Variants in BRMS1L observed in about 807,000 individuals in gnomAD.
BRMS1L encodes breast cancer metastasis-suppressor 1-like protein.
Under a neutral mutation model 50.3 loss-of-function variants are expected in BRMS1L, and 23 were observed. The observed-to-expected ratio is 0.46, with a 90% CI of 0.33 to 0.65. The LOEUF (loss-of-function observed/expected upper bound fraction) is 0.65, where lower values mean the gene tolerates loss of function less well. BRMS1L is among the 30% of genes least tolerant of loss of function. BRMS1L has a pLI of 0.02. For synonymous variants in BRMS1L, 114 were observed against 126.9 expected (o/e 0.90, Z 0.69); for missense variants, 286 against 386.1 (o/e 0.74, Z 2.17).
chr14:35,851,478 A>G (rs1219087295), intron 4 of BRMS1L, among the ~76,000 whole-genome samples: 1 of 152,172 alleles, frequency 6.6e-6, no homozygotes, highest in Non-Finnish European at 1.5e-5. Flanking sequence ...TATTTTTGTG[A>G]AAAGAAGTAC....
chr14:35,855,715 T>A (rs1413805683), intron 4 of BRMS1L, among the ~76,000 whole-genome samples: 1 of 152,176 alleles, frequency 6.6e-6, no homozygotes, highest in Non-Finnish European at 1.5e-5. Context: ...ATTATATAAT[T>A]AATCTGAAGA....
At chr14:35,841,030 C>G (rs1001228178) in intron 4 of BRMS1L, among the ~76,000 whole-genome samples, 1 of 152,150 alleles carries the variant, frequency 6.6e-6, no homozygotes, top group African/African-American at 2.4e-5. Flanking sequence ...AGCTGTGTCC[C>G]AGAGATTCTG....
Position 35,826,629 on chromosome 14 carries a change from C to T in BRMS1L, c.113C>T (p.Ser38Leu). Residue 38 changes from serine (S) to leucine (L), a missense_variant, in exon 1 of 10, where the codon TCG (serine) becomes TTG (leucine). Transcript: ENST00000216807. ...SSSEDEDTES[S>L]SVSEDGDSSE... ...TCCGAGGACGAGGACACTGAGAGCT[C>T]GTCGGTCTCCGAGGATGGAGATAGC... 2 of 1,612,444 alleles carry T rather than the reference C, an allele frequency of 1.2e-6. No individual in the cohort carries two copies. Among genetic ancestry groups the T allele is most frequent in the Non-Finnish European group, 1.7e-6 (2 of 1,179,546 alleles).
At chr14:35,849,762 C>G (rs1687567165) in intron 4 of BRMS1L, among the ~76,000 whole-genome samples, 1 of 151,734 alleles carries the variant, frequency 6.6e-6, no homozygotes, top group Admixed American at 6.6e-5. Flanking sequence ...GTCTTTTGCC[C>G]ATTTTAAAAT....
chr14:35,867,496 C>A (rs146471727), intron 8 of BRMS1L, among the ~76,000 whole-genome samples: 1 of 152,122 alleles, frequency 6.6e-6, no homozygotes, highest in Admixed American at 6.5e-5. Context: ...CTGGGGAATG[C>A]TTGGAACATG....
Position 35,834,501 on chromosome 14 carries a change from A to G in BRMS1L, c.362-343A>G, listed in dbSNP as rs891739957. ...GATGACACCAGAGTTTATTATCTCC[A>G]TTTCTATTTTGAGAAACTTGAGAGA... On this transcript the variant is annotated intron_variant, in intron 3 of 9. Coordinates refer to ENST00000216807, the MANE Select transcript of BRMS1L (RefSeq NM_032352.4). Among the ~76,000 whole-genome samples the G allele has an allele frequency of 3.9e-5, 6 of 152,118 alleles. No homozygotes were observed. The South Asian group carries it at 1.2e-3, about 31-fold the overall frequency.
chr14:35,828,623 G>A (rs1053733322), intron 1 of BRMS1L, among the ~76,000 whole-genome samples: 2 of 151,388 alleles, frequency 1.3e-5, no homozygotes, highest in Admixed American at 1.3e-4. Flanking sequence ...ACAGGCATGC[G>A]CCGCCACGCT....
In BRMS1L at chr14:35,857,942, G is replaced by A. The variant is rs535922571; in HGVS notation, c.442-4648G>A. On this transcript the variant is annotated intron_variant, in intron 4 of 9. Coordinates refer to ENST00000216807, the MANE Select transcript of BRMS1L (RefSeq NM_032352.4). ...TTAATTAAGCTAAACATGTACAGTTGTATTGATTTTTCATGAAGCCTGAGT... is the reference window on the plus strand; with the variant it reads ...TTAATTAAGCTAAACATGTACAGTTATATTGATTTTTCATGAAGCCTGAGT... Among the ~76,000 whole-genome samples, 3 of 136,468 alleles carry A rather than the reference G, an allele frequency of 2.2e-5. No homozygotes were observed. The East Asian group carries it at 6.4e-4, about 29-fold the overall frequency. The allele number at this position is 136,468 out of a possible 152,430, so 89.5% of individuals were successfully genotyped here.
intron 4 of BRMS1L, among the ~76,000 whole-genome samples, chr14:35,844,396 T>C (rs182352437): frequency 1.3e-5 from 2 of 152,280 alleles, no homozygotes; most frequent in Admixed American, 1.3e-4. Flanking sequence ...GAATGCACCA[T>C]TCCTCACGGC....
At chr14:35,863,297 G>T (rs899947503) in intron 5 of BRMS1L, among the ~76,000 whole-genome samples, 3 of 152,186 alleles carry the variant, frequency 2.0e-5, no homozygotes, top group Non-Finnish European at 4.4e-5. Flanking sequence ...GATCAGTCCA[G>T]TGTGAAATTG....
At chr14:35,855,398 T>C (rs2078267063) in intron 4 of BRMS1L, among the ~76,000 whole-genome samples, 1 of 152,216 alleles carries the variant, frequency 6.6e-6, no homozygotes, top group Non-Finnish European at 1.5e-5. Flanking sequence ...GCCACAACTT[T>C]ATTTTCTTAG....
At chr14:35,843,258 G>A (rs1235404347) in intron 4 of BRMS1L, among the ~76,000 whole-genome samples, 8 of 152,128 alleles carry the variant, frequency 5.3e-5, no homozygotes, top group Admixed American at 3.9e-4. Flanking sequence ...GAGAAGAGGC[G>A]TTCTGGTTTT....
rs1479821524 is a variant in BRMS1L, at chr14:35,831,428, G to C, written c.161G>C (p.Cys54Ser). ...TTAACAGAAATGGATGATGAAGACT[G>C]TGAAAGAAGAAGAATGGAATGTTTG... Reference protein sequence around the residue: ...GDSSEMDDEDCERRRMECLDE... With the variant: ...GDSSEMDDEDSERRRMECLDE... The change falls in exon 2 of 10, where the codon TGT (cysteine) becomes TCT (serine). Residue 54 changes from cysteine to serine, a missense_variant. Coordinates refer to ENST00000216807, the MANE Select transcript of BRMS1L (RefSeq NM_032352.4). The C allele has an allele frequency of 1.9e-6, 3 of 1,613,308 alleles. No homozygotes were observed. In the Admixed American group the frequency reaches 5.0e-5, roughly 27 times the overall value.
chr14:35,847,470 T>A lies in BRMS1L; in HGVS notation c.441+12547T>A, dbSNP rs529542159. 2.0e-5 allele frequency among the ~76,000 whole-genome samples: 3 copies of A among 152,240 alleles called. No individual in the cohort carries two copies. In the South Asian group the frequency reaches 6.2e-4, roughly 32 times the overall value. ...TGTGCCACTGTGCCCAGCTAATTTT[T>A]AAAAATATTTTGTAGAGATAGAGTC... On this transcript the variant is annotated intron_variant, in intron 4 of 9. Transcript: ENST00000216807.
At chr14:35,866,541 A>G (rs1328341623) in intron 8 of BRMS1L, among the ~76,000 whole-genome samples, 1 of 151,942 alleles carries the variant, frequency 6.6e-6, no homozygotes, top group Non-Finnish European at 1.5e-5. Context: ...CCATCTCTAC[A>G]AAAAAATACA....
In BRMS1L at chr14:35,870,362, C is replaced by A. The variant is rs1229854597; in HGVS notation, c.857C>A (p.Ala286Asp). The A allele has an allele frequency of 1.3e-6, 2 of 1,532,152 alleles. No individual in the cohort carries two copies. The highest frequency in any genetic ancestry group is 1.4e-5 in the African/African-American group (1 of 72,090). 94.9% of individuals were successfully genotyped at this position (1,532,152 alleles called of 1,614,324 possible). A position where few individuals can be genotyped will look rare whatever the true frequency, so the allele number is the denominator to read the frequency against. The change falls in exon 10 of 10, where the codon GCT (alanine) becomes GAT (aspartate). Residue 286 changes from alanine (A) to aspartate (D), a missense_variant and splice_region_variant. Ala to Asp is a moderately radical substitution (Grantham distance 126). Around this residue, in one of 5 missense-constraint regions of BRMS1L, gnomAD observed 49 missense variants for 39.1 expected, o/e 1.25. Transcript: ENST00000216807. The part of the protein sequence containing the change: ...IDKKDECPTS[A>D]VITTINHDEV... ...CATTCTTTTTTTTTTCTTTTTAGTG[C>A]TGTAATTACAACAATTAACCATGAT...
Position 35,833,058 on chromosome 14 carries a change from C to T in BRMS1L, c.314C>T (p.Pro105Leu). 1 of 1,613,202 alleles carries T rather than the reference C, an allele frequency of 6.2e-7. No individual in the cohort carries two copies. Among genetic ancestry groups the T allele is most frequent in the South Asian group, 1.1e-5 (1 of 91,004 alleles). ...IAGKAPEYLE[P>L]LATLQENMQI... Reference sequence around the variant, plus strand: ...GGAAAAGCACCAGAATACTTGGAACCGCTGGCAACTTTACAGGAAAATATG... The same window carrying T: ...GGAAAAGCACCAGAATACTTGGAACTGCTGGCAACTTTACAGGAAAATATG... The change falls in exon 3 of 10, where the codon CCG becomes CTG. Residue 105 changes from proline to leucine, a missense_variant. Around this residue, in one of 5 missense-constraint regions of BRMS1L, gnomAD observed 160 missense variants for 240.6 expected, o/e 0.66. Transcript: ENST00000216807.
intron 4 of BRMS1L, among the ~76,000 whole-genome samples, chr14:35,852,076 T>G (rs2078218472): frequency 6.6e-6 from 1 of 152,252 alleles, no homozygotes; most frequent in Non-Finnish European, 1.5e-5. Context: ...TCCAGCTTTC[T>G]CTTGCTCAAC....
intron 7 of BRMS1L, among the ~76,000 whole-genome samples, chr14:35,865,370 C>G (rs560575347): frequency 1.3e-5 from 2 of 152,114 alleles, no homozygotes; most frequent in African/African-American, 4.8e-5. Context: ...ACATTTGAAC[C>G]CTTATGTGTC....
Sources: allele counts gnomAD v4.1 joint callset (sites outside exome capture counted in the v4.1 genomes callset), GRCh38; gene constraint gnomAD v4.1.1; regional missense constraint gnomAD v4.1.1; transcripts MANE v1.5; gene names NCBI Gene and HGNC (gene_info 2026-07-23, HGNC 2026-07-21).